NOL10: variants seen among roughly 807,000 people sequenced by gnomAD.
NOL10 encodes nucleolar protein 10, also known as H_NH0074G24.1.
Under a neutral mutation model 103.5 loss-of-function variants are expected in NOL10, and 58 were observed. The observed-to-expected ratio is 0.56, with a 90% CI of 0.45 to 0.70. The LOEUF (loss-of-function observed/expected upper bound fraction) is 0.70, where lower values mean the gene tolerates loss of function less well. Among genes scored for constraint, NOL10 ranks in the 30% least tolerant of loss-of-function variants. The probability of loss-of-function intolerance (pLI) is 0.00; values close to 1 mark genes in which losing one functional copy is unlikely to be tolerated. For missense variants in NOL10, 763 were observed against 807.3 expected, an observed-to-expected ratio of 0.95 and a Z score of 0.67; for synonymous variants, 287 against 282.5, an observed-to-expected ratio of 1.02 and a Z score of -0.16.
At chr2:10,593,497 G>C (rs949243574) in intron 17 of NOL10, among the ~76,000 whole-genome samples, 4 of 152,156 alleles carry the variant, frequency 2.6e-5, no homozygotes, top group African/African-American at 9.7e-5. Context: ...ACAGACTTCT[G>C]AGTAAAGATG....
chr2:10,671,350 C>T (rs1680919086), intron 6 of NOL10, among the ~76,000 whole-genome samples: 1 of 150,774 alleles, frequency 6.6e-6, no homozygotes, highest in Non-Finnish European at 1.5e-5. Flanking sequence ...GTATATGGTA[C>T]TTATAAGTAA....
intron 17 of NOL10, among the ~76,000 whole-genome samples, chr2:10,593,472 T>A (rs1041552726): frequency 6.6e-6 from 1 of 152,200 alleles, no homozygotes; most frequent in Admixed American, 6.5e-5. Context: ...ATGATACCTA[T>A]GAAGTTAGGC....
intron 9 of NOL10, among the ~76,000 whole-genome samples, chr2:10,660,189 G>A (rs138555541): frequency 6.5e-4 from 99 of 152,264 alleles, no homozygotes; most frequent in African/African-American, 2.2e-3. Flanking sequence ...CTGTAACTGC[G>A]CTGGGGCACC....
chr2:10,582,221 C>T (rs1674799323), intron 19 of NOL10, among the ~76,000 whole-genome samples: 1 of 152,136 alleles, frequency 6.6e-6, no homozygotes, highest in Non-Finnish European at 1.5e-5. Flanking sequence ...TATTAATTCA[C>T]AAAGTGGATA....
chr2:10,661,804 C>T (rs529145432), intron 9 of NOL10, among the ~76,000 whole-genome samples: 3 of 151,964 alleles, frequency 2.0e-5, no homozygotes, highest in African/African-American at 4.8e-5. Flanking sequence ...ATTGTATGGG[C>T]TCCACCTAGA....
intron 17 of NOL10, among the ~76,000 whole-genome samples, chr2:10,599,819 A>G (rs7600695): frequency 0.59 from 89,697 of 151,696 alleles, 27,509 homozygotes; most frequent in African/African-American, 0.74. Flanking sequence ...AGATGAAAAA[A>G]CTGTGACCCC....
rs1282887146 is a variant in NOL10 at position 10,682,067 on chromosome 2, C to T, written c.115G>A (p.Val39Ile). The T allele has an allele frequency of 1.4e-6, 2 of 1,454,038 alleles. No homozygotes were observed. The highest frequency in any genetic ancestry group is 1.8e-6 in the Non-Finnish European group (2 of 1,087,494). 90.1% of individuals were successfully genotyped at this position (1,454,038 alleles called of 1,614,324 possible). A position where few individuals can be genotyped will look rare whatever the true frequency, so the allele number is the denominator to read the frequency against. ...TGAATAAGTTCAATTCTCCTACGGA[C>T]ATCTAAAAAGAGAGAAAAAAACAAC... ...KRALQKKDVDVRRRIELIQDF... is the reference protein window; with the variant it reads ...KRALQKKDVDIRRRIELIQDF... The change falls in exon 3 of 21, where the codon GTC (valine) becomes ATC (isoleucine). Residue 39 changes from valine (V) to isoleucine (I), a missense_variant and splice_region_variant. Val to Ile is a conservative substitution (Grantham distance 29, BLOSUM62 3). Transcript: ENST00000381685.
At chr2:10,584,795 T>C (rs1674938010) in intron 19 of NOL10, among the ~76,000 whole-genome samples, 1 of 152,256 alleles carries the variant, frequency 6.6e-6, no homozygotes, top group Non-Finnish European at 1.5e-5. Flanking sequence ...TATATTTAAC[T>C]TAGTAAGAAT....
intron 3 of NOL10, among the ~76,000 whole-genome samples, chr2:10,681,503 TCTTGATAGAG>T (rs1681754059): frequency 6.6e-6 from 1 of 152,222 alleles, no homozygotes; most frequent in Non-Finnish European, 1.5e-5. Flanking sequence ...ATGTTCTGTA[TCTTGATAGAG>T]CTTTGAGTTA....
chr2:10,589,432 ATAAGATAATACTCC>A lies in NOL10; in HGVS notation c.1596+132_1597-143del, dbSNP rs1188448359. On this transcript the variant is annotated intron_variant, in intron 18 of 20. Transcript: ENST00000381685. ...CATCAGGAGAAATGCCTTTAAATAA[ATAAGATAATACTCC>A]TAAGCCCAATGTCAAACACTTAATA... 2.4e-6 allele frequency: 3 copies of A among 1,255,918 alleles called. No individual in the cohort carries two copies. In the East Asian group the frequency reaches 7.4e-5, roughly 31 times the overall value. The allele number at this position is 1,255,918 out of a possible 1,614,324, so 77.8% of individuals were successfully genotyped here. A position where few individuals can be genotyped will look rare whatever the true frequency, so the allele number is the denominator to read the frequency against.
rs141294508 is a variant in NOL10 at position 10,657,519 on chromosome 2, T to C, written c.906+223A>G. Among the ~76,000 whole-genome samples, 655 of 143,110 alleles carry C rather than the reference T, an allele frequency of 4.6e-3. 9 individuals are homozygous for C. Among genetic ancestry groups the C allele is most frequent in the African/African-American group, 0.016 (604 of 36,706 alleles). The allele number at this position is 143,110 out of a possible 152,430, so 93.9% of individuals were successfully genotyped here. The stretch of plus-strand genomic sequence containing the variant: ...ACTTAACATCTAAAATGCATGCCAA[T>C]TCTAGATAATTGGGAAAACTTAACA... On this transcript the variant is annotated intron_variant, in intron 11 of 20. Coordinates refer to ENST00000381685, the MANE Select transcript of NOL10 (RefSeq NM_024894.4).
chr2:10,644,440 C>A, intron 12 of NOL10, 68 bp from the exon 13 acceptor site: 1 of 1,186,148 alleles, frequency 8.4e-7, no homozygotes, highest in Non-Finnish European at 1.2e-6. Context: ...TATTTGCTTT[C>A]CATTCTGAAA....
chr2:10,632,613 T>C (rs1277535181), intron 13 of NOL10, among the ~76,000 whole-genome samples: 1 of 152,236 alleles, frequency 6.6e-6, no homozygotes, highest in Admixed American at 6.5e-5. Flanking sequence ...GGACAGTTTA[T>C]ACCTTTGGAA....
intron 17 of NOL10, among the ~76,000 whole-genome samples, chr2:10,598,732 G>A (rs1675827994): frequency 6.6e-6 from 1 of 152,118 alleles, no homozygotes; most frequent in Admixed American, 6.6e-5. Context: ...GAAAAATGCT[G>A]GCTCCGTATC....
At chr2:10,630,694 G>A (rs1251255066) in intron 13 of NOL10, among the ~76,000 whole-genome samples, 4 of 151,998 alleles carry the variant, frequency 2.6e-5, no homozygotes, top group South Asian at 2.1e-4. Context: ...CAGCCTGGGC[G>A]AAAGAGCAAG....
intron 2 of NOL10, 100 bp from the exon 3 acceptor site, chr2:10,682,169 G>A (rs1365329901): frequency 2.3e-6 from 1 of 432,364 alleles, no homozygotes; most frequent in Admixed American, 4.4e-5. Context: ...ACTATAAACA[G>A]GTGAAATTCA....
chr2:10,632,104 C>T (rs965340991), intron 13 of NOL10, among the ~76,000 whole-genome samples: 1 of 152,194 alleles, frequency 6.6e-6, no homozygotes, highest in African/African-American at 2.4e-5. Flanking sequence ...ATCAAAGACG[C>T]TCCAAATTGC....
At chr2:10,666,270 A>G (rs1299529785) in intron 8 of NOL10, among the ~76,000 whole-genome samples, 1 of 151,568 alleles carries the variant, frequency 6.6e-6, no homozygotes, top group Non-Finnish European at 1.5e-5. Flanking sequence ...AATTTGAGTA[A>G]AAAAAAAACC....
At chr2:10,600,107 G>A (rs1239405514) in intron 17 of NOL10, among the ~76,000 whole-genome samples, 1 of 152,138 alleles carries the variant, frequency 6.6e-6, no homozygotes, top group Non-Finnish European at 1.5e-5. Context: ...GCAGAGATCA[G>A]TTCTTTCCAA....
Sources: gnomAD v4.1 joint callset for allele counts (sites outside exome capture counted in the v4.1 genomes callset) on GRCh38, gnomAD v4.1.1 for gene constraint, MANE v1.5 for transcripts, NCBI Gene and HGNC (gene_info 2026-07-23, HGNC 2026-07-21) for gene names.